TMEM132D: variants seen among roughly 807,000 people sequenced by gnomAD.
The protein encoded by TMEM132D is mature OL transmembrane protein.
TMEM132D carries 21 observed loss-of-function variants against 62.3 expected under a neutral mutation model. That is an observed-to-expected ratio of 0.34 (90% CI 0.24 to 0.49). The LOEUF (loss-of-function observed/expected upper bound fraction) is 0.49, where lower values mean the gene tolerates loss of function less well. Among genes scored for constraint, TMEM132D ranks in the 20% least tolerant of loss-of-function variants. The pLI, the probability that TMEM132D is intolerant of heterozygous loss-of-function variation, is 0.99. For synonymous variants in TMEM132D, 621 were observed against 575.6 expected, an observed-to-expected ratio of 1.08 and a Z score of -1.13; for missense variants, 1,346 against 1,402.8, an observed-to-expected ratio of 0.96 and a Z score of 0.65.
At chr12:129,255,971 A>C (rs1566013420) in intron 4 of TMEM132D, among the ~76,000 whole-genome samples, 1 of 152,246 alleles carries the variant, frequency 6.6e-6, no homozygotes, top group African/African-American at 2.4e-5. Context: ...CAGCGAGTTA[A>C]TACCACCAAA....
At chr12:129,094,593 A>G (rs1875037433) in intron 5 of TMEM132D, among the ~76,000 whole-genome samples, 1 of 152,214 alleles carries the variant, frequency 6.6e-6, no homozygotes, top group African/African-American at 2.4e-5. Context: ...GGGACTGTAA[A>G]CTAGTTCAAC....
rs1871274292 is a variant in TMEM132D at position 129,390,959 on chromosome 12, T to C, written c.1116-53142A>G. 2.0e-5 allele frequency among the ~76,000 whole-genome samples: 3 copies of C among 152,234 alleles called. No homozygotes were observed. The South Asian group carries it at 6.2e-4, about 32-fold the overall frequency. On this transcript the variant is annotated intron_variant, in intron 3 of 8. Coordinates refer to ENST00000422113, the MANE Select transcript of TMEM132D (RefSeq NM_133448.3). ...CCTCCCTCACAGGATTTGTGAGATT[T>C]AAATGATTTAAAATGCACTAGTACT...
intron 1 of TMEM132D, among the ~76,000 whole-genome samples, chr12:129,872,912 G>T (rs138877989): frequency 6.6e-6 from 1 of 152,206 alleles, no homozygotes; most frequent in South Asian, 2.1e-4. Flanking sequence ...CGAGGCAGAT[G>T]AAGAAAGAGA....
chr12:129,358,911 T>C (rs908235393), intron 3 of TMEM132D, among the ~76,000 whole-genome samples: 35 of 151,518 alleles, frequency 2.3e-4, no homozygotes, highest in Non-Finnish European at 2.9e-5. Context: ...GGCTTGGGAT[T>C]GAGGAAGGAG....
chr12:129,548,685 A>T lies in TMEM132D; in HGVS notation c.969-17480T>A, dbSNP rs73435676. Among the ~76,000 whole-genome samples, 252 of 148,914 alleles carry T rather than the reference A, an allele frequency of 1.7e-3. 1 individual carries two copies. Among genetic ancestry groups the T allele is most frequent in the African/African-American group, 5.9e-3 (236 of 40,112 alleles). ...TTTGACACATGCCTCTTCGGCTCAC[A>T]CTTCACATGTGACCTCACCTAACAT... On this transcript the variant is annotated intron_variant, in intron 2 of 8. Transcript: ENST00000422113.
At chr12:129,293,083 G>C (rs1566023884) in intron 4 of TMEM132D, among the ~76,000 whole-genome samples, 1 of 152,176 alleles carries the variant, frequency 6.6e-6, no homozygotes. Context: ...GAGAGAAATT[G>C]ACAGAGACTT....
chr12:129,484,089 C>T (rs1340278683), intron 3 of TMEM132D, among the ~76,000 whole-genome samples: 1 of 152,116 alleles, frequency 6.6e-6, no homozygotes, highest in East Asian at 1.9e-4. Flanking sequence ...TTTGCCTCAG[C>T]CTCCTGAGTA....
At chr12:129,203,751 C>G (rs1346990408) in intron 5 of TMEM132D, among the ~76,000 whole-genome samples, 1 of 152,252 alleles carries the variant, frequency 6.6e-6, no homozygotes, top group Non-Finnish European at 1.5e-5. Flanking sequence ...GCTCTAAGGA[C>G]AGGCGGGCAC....
At chr12:129,843,140 AAC>A (rs1440466788) in intron 1 of TMEM132D, among the ~76,000 whole-genome samples, 1 of 152,202 alleles carries the variant, frequency 6.6e-6, no homozygotes, top group Non-Finnish European at 1.5e-5. Flanking sequence ...GTTTAACTCT[AAC>A]AGTATTTTTT....
chr12:129,580,456 T>C (rs192320407), intron 2 of TMEM132D, among the ~76,000 whole-genome samples: 33 of 152,314 alleles, frequency 2.2e-4, no homozygotes, highest in South Asian at 6.2e-4. Flanking sequence ...TTTGGTGGAA[T>C]CTACAGTCAT....
intron 5 of TMEM132D, among the ~76,000 whole-genome samples, chr12:129,155,141 G>A (rs1010426628): frequency 6.6e-6 from 1 of 152,210 alleles, no homozygotes; most frequent in Admixed American, 6.5e-5. Flanking sequence ...ATGCACAGAT[G>A]CCAGTAATTG....
chr12:129,254,151 G>T (rs1271958038), intron 4 of TMEM132D, among the ~76,000 whole-genome samples: 2 of 152,008 alleles, frequency 1.3e-5, no homozygotes, highest in African/African-American at 4.8e-5. Flanking sequence ...GGGAGTTATG[G>T]ACAACCAAAA....
chr12:129,443,063 G>T (rs7487660), intron 3 of TMEM132D, among the ~76,000 whole-genome samples: 2 of 151,998 alleles, frequency 1.3e-5, no homozygotes, highest in African/African-American at 2.4e-5. Flanking sequence ...CATCTTTGAA[G>T]GGCCAGCCCA....
At chr12:129,318,555 G>A (rs886134613) in intron 4 of TMEM132D, among the ~76,000 whole-genome samples, 5 of 152,180 alleles carry the variant, frequency 3.3e-5, no homozygotes, top group African/African-American at 9.7e-5. Flanking sequence ...TGGCAGGGGT[G>A]TGCAATGGAT....
intron 5 of TMEM132D, among the ~76,000 whole-genome samples, chr12:129,136,726 CCA>C (rs1876572360): frequency 6.6e-6 from 1 of 150,894 alleles, no homozygotes; most frequent in African/African-American, 2.4e-5. Context: ...ATCCCCATCA[CCA>C]CCACCATTAC....
At chr12:129,738,169 A>T (rs1013602227) in intron 1 of TMEM132D, among the ~76,000 whole-genome samples, 3 of 152,186 alleles carry the variant, frequency 2.0e-5, no homozygotes, top group African/African-American at 7.2e-5. Flanking sequence ...GGGTGAAAAA[A>T]ATCAATGAGA....
intron 6 of TMEM132D, 119 bp from the exon 7 acceptor site, chr12:129,082,151 T>C (rs1276372662): frequency 2.4e-6 from 3 of 1,259,156 alleles, no homozygotes; most frequent in African/African-American, 3.0e-5. Context: ...AAGGAGTTTA[T>C]AGCCAGACAT....
chr12:129,713,395 G>T (rs1326404422), intron 1 of TMEM132D, among the ~76,000 whole-genome samples: 2 of 142,670 alleles, frequency 1.4e-5, no homozygotes, highest in Non-Finnish European at 1.6e-5. Context: ...CAGATTTTTG[G>T]TTTTTTGTTG....
intron 4 of TMEM132D, among the ~76,000 whole-genome samples, chr12:129,252,070 A>G (rs1880282429): frequency 1.3e-5 from 2 of 152,208 alleles, no homozygotes; most frequent in Non-Finnish European, 2.9e-5. Context: ...AGCCTAGCTA[A>G]AATATGTATA....
Sources: gnomAD v4.1 joint callset for allele counts (sites outside exome capture counted in the v4.1 genomes callset) on GRCh38, gnomAD v4.1.1 for gene constraint, MANE v1.5 for transcripts, NCBI Gene and HGNC (gene_info 2026-07-23, HGNC 2026-07-21) for gene names.